The following CADM2 variants were observed in gnomAD, a reference collection of about 807,000 sequenced individuals.
CADM2 encodes immunoglobulin superfamily member 4D.
A neutral mutation model predicts 49.8 loss-of-function variants in CADM2; 12 were observed. The observed-to-expected ratio is 0.24, with a 90% CI of 0.15 to 0.39. The LOEUF is 0.39. CADM2 is among the 10% of genes least tolerant of loss of function. CADM2 has a pLI of 1.00. For missense variants in CADM2, 378 were observed against 492.3 expected (o/e 0.77, Z 2.20); for synonymous variants, 214 against 175.4 (o/e 1.22, Z -1.74).
At chr3:85,122,898 C>T (rs534521587) in intron 1 of CADM2, among the ~76,000 whole-genome samples, 8 of 152,080 alleles carry the variant, frequency 5.3e-5, no homozygotes, top group Admixed American at 2.0e-4. Flanking sequence ...GGAAATTATT[C>T]CTCTCAGAAA....
chr3:86,005,586 G>C (rs1730686420), intron 8 of CADM2, among the ~76,000 whole-genome samples: 1 of 151,788 alleles, frequency 6.6e-6, no homozygotes, highest in Non-Finnish European at 1.5e-5. Context: ...CATATAATAG[G>C]TGTATATATT....
intron 1 of CADM2, among the ~76,000 whole-genome samples, chr3:85,351,382 A>G (rs1000883698): frequency 2.0e-5 from 3 of 152,186 alleles, no homozygotes; most frequent in African/African-American, 7.2e-5. Context: ...AATAGGCATA[A>G]CGTATAATTA....
chr3:86,019,808 A>G (rs1225174906), intron 8 of CADM2, among the ~76,000 whole-genome samples: 1 of 152,088 alleles, frequency 6.6e-6, no homozygotes, highest in African/African-American at 2.4e-5. Context: ...TAGATATACA[A>G]TCATGTCGTC....
intron 1 of CADM2, among the ~76,000 whole-genome samples, chr3:84,985,435 A>T (rs2032495142): frequency 6.6e-6 from 1 of 152,126 alleles, no homozygotes; most frequent in African/African-American, 2.4e-5. Flanking sequence ...TATCACAAGG[A>T]TTTTTAAAAT....
At chr3:85,099,133 A>G (rs1234976414) in intron 1 of CADM2, among the ~76,000 whole-genome samples, 1 of 152,160 alleles carries the variant, frequency 6.6e-6, no homozygotes, top group Non-Finnish European at 1.5e-5. Context: ...GCACACCAAA[A>G]TAATCACCCC....
intron 1 of CADM2, among the ~76,000 whole-genome samples, chr3:85,379,747 C>A (rs907282466): frequency 3.3e-5 from 5 of 151,892 alleles, no homozygotes; most frequent in Admixed American, 3.3e-4. Flanking sequence ...CTTTTTTCAT[C>A]AACAAAAATA....
intron 1 of CADM2, among the ~76,000 whole-genome samples, chr3:85,489,537 T>C (rs1444584595): frequency 6.6e-6 from 1 of 152,034 alleles, no homozygotes; most frequent in Non-Finnish European, 1.5e-5. Flanking sequence ...ATAATCTAGA[T>C]AAAAAGAACT....
At chr3:86,026,200 C>A (rs535033676) in intron 8 of CADM2, among the ~76,000 whole-genome samples, 1 of 151,976 alleles carries the variant, frequency 6.6e-6, no homozygotes, top group African/African-American at 2.4e-5. Flanking sequence ...GGGAAAAATG[C>A]GATTCAAATT....
At chr3:85,848,111 C>A (rs958421033) in intron 3 of CADM2, among the ~76,000 whole-genome samples, 1 of 151,960 alleles carries the variant, frequency 6.6e-6, no homozygotes, top group Non-Finnish European at 1.5e-5. Context: ...TTTCTCATTG[C>A]ATATTAGCTA....
At chr3:85,576,795 A>C (rs1212628511) in intron 1 of CADM2, among the ~76,000 whole-genome samples, 2 of 152,188 alleles carry the variant, frequency 1.3e-5, no homozygotes, top group African/African-American at 4.8e-5. Context: ...ATCTACTCTT[A>C]AAACTATTAC....
intron 1 of CADM2, among the ~76,000 whole-genome samples, chr3:85,588,380 A>G (rs1559928526): frequency 6.6e-6 from 1 of 151,968 alleles, no homozygotes; most frequent in East Asian, 1.9e-4. Context: ...GAAAATACTC[A>G]CCCCACATTG....
In CADM2 at chr3:85,229,591, A is replaced by G. The variant is rs75065397; in HGVS notation, c.61+269923A>G. 5.5e-3 allele frequency among the ~76,000 whole-genome samples: 834 copies of G among 152,248 alleles called. 6 individuals carry two copies. The highest frequency in any genetic ancestry group is 0.019 in the African/African-American group (793 of 41,546). On this transcript the variant is annotated intron_variant, in intron 1 of 9. Coordinates refer to ENST00000383699, the MANE Select transcript of CADM2 (RefSeq NM_001167675.2). ...TGATCCTATTTGGCCATCTTGCTGG[A>G]CCCTGACAAATGTTTTTAAAGGCAA...
At chr3:85,295,310 T>C (rs1455062284) in intron 1 of CADM2, among the ~76,000 whole-genome samples, 1 of 151,918 alleles carries the variant, frequency 6.6e-6, no homozygotes, top group Non-Finnish European at 1.5e-5. Flanking sequence ...GGAGAGGATG[T>C]GGAGAAATAG....
intron 1 of CADM2, among the ~76,000 whole-genome samples, chr3:85,481,983 TCTC>T (rs2039233505): frequency 6.6e-6 from 1 of 151,698 alleles, no homozygotes; most frequent in Non-Finnish European, 1.5e-5. Context: ...TGTATGCTGT[TCTC>T]CTTCCTACTG....
chr3:85,398,544 T>C (rs1325689809), intron 1 of CADM2, among the ~76,000 whole-genome samples: 1 of 152,198 alleles, frequency 6.6e-6, no homozygotes, highest in Non-Finnish European at 1.5e-5. Flanking sequence ...CTGAGTCAAA[T>C]GGTATTTCTA....
intron 1 of CADM2, among the ~76,000 whole-genome samples, chr3:85,590,484 G>A (rs1019258130): frequency 8.6e-5 from 13 of 151,954 alleles, no homozygotes; most frequent in African/African-American, 2.4e-4. Context: ...GCATGTTAGA[G>A]TGTTTTGAAA....
At chr3:85,681,957 G>T (rs970824145) in intron 1 of CADM2, among the ~76,000 whole-genome samples, 12 of 152,070 alleles carry the variant, frequency 7.9e-5, no homozygotes, top group African/African-American at 2.9e-4. Context: ...CATGCATTTT[G>T]CAATGTGTAA....
chr3:85,422,848 G>A (rs2036237177), intron 1 of CADM2, among the ~76,000 whole-genome samples: 1 of 151,916 alleles, frequency 6.6e-6, no homozygotes, highest in Admixed American at 6.6e-5. Flanking sequence ...CAACCCCACG[G>A]CAGTGTCTCG....
intron 1 of CADM2, among the ~76,000 whole-genome samples, chr3:85,347,509 A>T (rs894105676): frequency 2.1e-4 from 31 of 145,814 alleles, no homozygotes; most frequent in Non-Finnish European, 3.7e-4. Context: ...ATAAATATAT[A>T]TACACACATA....
Sources: allele counts gnomAD v4.1 joint callset (sites outside exome capture counted in the v4.1 genomes callset), GRCh38; gene constraint gnomAD v4.1.1; transcripts MANE v1.5; gene names NCBI Gene and HGNC (gene_info 2026-07-23, HGNC 2026-07-21).